LRP1B: variants seen among roughly 807,000 people sequenced by gnomAD.
LRP1B encodes the protein low-density lipoprotein receptor-related protein 1B.
LRP1B carries 217 observed loss-of-function variants against 556.6 expected under a neutral mutation model. The observed-to-expected ratio is 0.39, with a 90% CI of 0.35 to 0.44. The LOEUF (loss-of-function observed/expected upper bound fraction) is 0.44, where lower values mean the gene tolerates loss of function less well. Ranked by LOEUF, LRP1B falls within the 20% of genes least tolerant of loss-of-function variation. The probability of loss-of-function intolerance (pLI) is 1.00; values close to 1 mark genes in which losing one functional copy is unlikely to be tolerated. For synonymous variants in LRP1B, 2,047 were observed against 1,865.8 expected, an observed-to-expected ratio of 1.10 and a Z score of -2.50; for missense variants, 5,053 against 5,620.8, an observed-to-expected ratio of 0.90 and a Z score of 3.23.
chr2:141,226,062 C>T (rs1276223822), intron 6 of LRP1B, among the ~76,000 whole-genome samples: 1 of 151,848 alleles, frequency 6.6e-6, no homozygotes, highest in East Asian at 1.9e-4. Context: ...GACCCAAATG[C>T]AAACCTACCT....
intron 35 of LRP1B, among the ~76,000 whole-genome samples, chr2:140,760,297 G>T (rs7564286): frequency 0.013 from 1,981 of 152,186 alleles, 38 homozygotes; most frequent in African/African-American, 0.045. Flanking sequence ...ACTTCATTTT[G>T]GGAAAGGAAC....
At chr2:142,122,519 G>C (rs1707493124) in intron 1 of LRP1B, among the ~76,000 whole-genome samples, 1 of 152,062 alleles carries the variant, frequency 6.6e-6, no homozygotes, top group South Asian at 2.1e-4. Flanking sequence ...TTGTATTACA[G>C]GACATCAATA....
intron 43 of LRP1B, among the ~76,000 whole-genome samples, chr2:140,555,937 C>A (rs1680716212): frequency 6.6e-6 from 1 of 151,958 alleles, no homozygotes; most frequent in Admixed American, 6.6e-5. Context: ...CTAAGCAAGT[C>A]ATACGATATG....
chr2:141,339,767 T>TTTTATTTATTTA (rs869119147), intron 3 of LRP1B, among the ~76,000 whole-genome samples: 13 of 31,548 alleles, frequency 4.1e-4, no homozygotes, highest in South Asian at 6.4e-4. Context: ...TATTTTTCTC[T>TTTTATTTATTTA]TTTATTTATT....
intron 41 of LRP1B, among the ~76,000 whole-genome samples, chr2:140,658,587 T>A (rs1365413523): frequency 6.6e-6 from 1 of 152,170 alleles, no homozygotes; most frequent in East Asian, 1.9e-4. Flanking sequence ...ATTTATCCAA[T>A]TTTTTTCTTT....
intron 6 of LRP1B, among the ~76,000 whole-genome samples, 193 bp from the exon 7 acceptor site, chr2:141,188,776 C>T (rs1261464559): frequency 6.6e-6 from 1 of 151,864 alleles, no homozygotes; most frequent in African/African-American, 2.4e-5. Flanking sequence ...TATCTTGGTG[C>T]CTTTCTTCTT....
At chr2:141,025,068 C>T (rs1006549277) in intron 11 of LRP1B, among the ~76,000 whole-genome samples, 5 of 152,032 alleles carry the variant, frequency 3.3e-5, no homozygotes, top group African/African-American at 1.2e-4. Context: ...GGAGAAATGT[C>T]TCACAATAAA....
intron 7 of LRP1B, among the ~76,000 whole-genome samples, chr2:141,181,696 T>C (rs1681002803): frequency 6.6e-6 from 1 of 151,910 alleles, no homozygotes; most frequent in African/African-American, 2.4e-5. Flanking sequence ...ATTCACTGCA[T>C]ATAAACCACT....
intron 7 of LRP1B, among the ~76,000 whole-genome samples, chr2:141,151,720 T>A (rs575225808): frequency 5.3e-5 from 8 of 152,246 alleles, no homozygotes; most frequent in African/African-American, 1.9e-4. Context: ...ATCTTTTTTA[T>A]CCTTTTTCCT....
At chr2:140,350,556 T>G (rs1339941284) in intron 77 of LRP1B, among the ~76,000 whole-genome samples, 1 of 152,034 alleles carries the variant, frequency 6.6e-6, no homozygotes, top group African/African-American at 2.4e-5. Flanking sequence ...TGTCATTCAT[T>G]AGCATTCTTA....
At chr2:141,958,747 T>C (rs1226512752) in intron 1 of LRP1B, among the ~76,000 whole-genome samples, 14 of 152,014 alleles carry the variant, frequency 9.2e-5, no homozygotes, top group Admixed American at 7.2e-4. Flanking sequence ...CTGCATAATA[T>C]TGTTCTTGCT....
intron 1 of LRP1B, among the ~76,000 whole-genome samples, chr2:141,957,505 T>C (rs1319811585): frequency 1.3e-5 from 2 of 151,876 alleles, no homozygotes; most frequent in African/African-American, 2.4e-5. Flanking sequence ...CAGTCACAGC[T>C]GAGAGGTATT....
intron 7 of LRP1B, among the ~76,000 whole-genome samples, chr2:141,156,288 C>T (rs905039311): frequency 6.6e-6 from 1 of 152,046 alleles, no homozygotes; most frequent in African/African-American, 2.4e-5. Flanking sequence ...TGTGCCGATC[C>T]CTCTCAAGTG....
intron 3 of LRP1B, among the ~76,000 whole-genome samples, chr2:141,283,683 C>G (rs993290520): frequency 4.1e-5 from 6 of 145,650 alleles, no homozygotes; most frequent in African/African-American, 1.5e-4. Flanking sequence ...GCAACCTCCA[C>G]CACCCAGGTT....
chr2:140,444,384 A>G lies in LRP1B; in HGVS notation c.10240T>C (p.Leu3414=). 1 of 1,613,854 alleles carries G rather than the reference A, an allele frequency of 6.2e-7. No individual in the cohort carries two copies. The highest frequency in any genetic ancestry group is 1.1e-5 in the South Asian group (1 of 91,082). The change falls in exon 65 of 91, where the codon TTA becomes CTA. Residue 3414 remains leucine, a synonymous_variant. Coordinates refer to ENST00000389484, the MANE Select transcript of LRP1B (RefSeq NM_018557.3). ...TKNQKCIPVN[L]RCNGQDDCGD... ...CAGTCATCTTGCCCATTACATCTTAAGTTTACTGGGATACATTTCTGGTTC... is the reference window on the plus strand; with the variant it reads ...CAGTCATCTTGCCCATTACATCTTAGGTTTACTGGGATACATTTCTGGTTC...
At chr2:141,835,888 C>T (rs1329716840) in intron 1 of LRP1B, among the ~76,000 whole-genome samples, 1 of 151,634 alleles carries the variant, frequency 6.6e-6, no homozygotes, top group Non-Finnish European at 1.5e-5. Context: ...ACATATAGAT[C>T]TAAATGTATG....
intron 66 of LRP1B, among the ~76,000 whole-genome samples, chr2:140,418,473 G>A (rs1685292321): frequency 6.6e-6 from 1 of 152,102 alleles, no homozygotes. Context: ...GTTTGAGAAA[G>A]CTTCAAATCT....
intron 43 of LRP1B, among the ~76,000 whole-genome samples, chr2:140,586,465 G>A (rs925965096): frequency 6.6e-6 from 1 of 152,162 alleles, no homozygotes; most frequent in Non-Finnish European, 1.5e-5. Flanking sequence ...ACCAGCAAAG[G>A]CCAAGTGGGG....
intron 12 of LRP1B, among the ~76,000 whole-genome samples, chr2:141,019,717 A>C (rs1288831962): frequency 1.3e-5 from 2 of 152,074 alleles, no homozygotes; most frequent in Non-Finnish European, 2.9e-5. Flanking sequence ...CAGTAATCTA[A>C]TTCAGGTCAA....
Sources: allele counts gnomAD v4.1 joint callset (sites outside exome capture counted in the v4.1 genomes callset), GRCh38; gene constraint gnomAD v4.1.1; transcripts MANE v1.5; gene names NCBI Gene and HGNC (gene_info 2026-07-23, HGNC 2026-07-21).